The following CUX1 variants were observed in gnomAD, a reference collection of about 807,000 sequenced individuals.
CUX1 encodes the protein cut like homeobox 1, also known as protein CASP.
Under a neutral mutation model 158.8 loss-of-function variants are expected in CUX1, and 31 were observed. The observed-to-expected ratio is 0.20, with a 90% CI of 0.15 to 0.26. The LOEUF (loss-of-function observed/expected upper bound fraction) is 0.26, where lower values mean the gene tolerates loss of function less well. CUX1 is among the 10% of genes least tolerant of loss of function. CUX1 has a pLI of 1.00. For synonymous variants in CUX1, 879 were observed against 862.1 expected, an observed-to-expected ratio of 1.02 and a Z score of -0.34; for missense variants, 1,589 against 2,014.6, an observed-to-expected ratio of 0.79 and a Z score of 4.04.
downstream of CUX1, among the ~76,000 whole-genome samples, chr7:102,261,955 G>C (rs1349313104): frequency 6.6e-6 from 1 of 152,062 alleles, no homozygotes; most frequent in African/African-American, 2.4e-5. Context: ...CCATCTCTAC[G>C]AAAATGTTTA....
intron 8 of CUX1, among the ~76,000 whole-genome samples, chr7:102,128,187 G>A (rs1218980236): frequency 2.6e-5 from 4 of 152,204 alleles, no homozygotes; most frequent in South Asian, 2.1e-4. Context: ...AGACAAGAGC[G>A]TTTGGAAGCC....
exon 23 of CUX1, chr7:102,283,159 C>T (rs527490901): frequency 5.5e-6 from 7 of 1,271,612 alleles, no homozygotes; most frequent in Non-Finnish European, 6.9e-6. Context: ...CATCTAATCA[C>T]TTAGACTCCC....
At chr7:102,278,036 A>T (rs1791735305) in exon 18 of CUX1, 2 of 1,610,188 alleles carry the variant, frequency 1.2e-6, no homozygotes, top group Non-Finnish European at 1.7e-6. Context: ...CTTTGAGAAG[A>T]TCAAGTTCCT....
intron 1 of CUX1, among the ~76,000 whole-genome samples, chr7:101,855,146 C>T (rs1161813783): frequency 6.6e-6 from 1 of 152,262 alleles, no homozygotes; most frequent in African/African-American, 2.4e-5. Flanking sequence ...ATCTTACCTC[C>T]TGCTGAAGTG....
chr7:101,944,610 C>G (rs1285582797), intron 2 of CUX1, among the ~76,000 whole-genome samples: 1 of 152,226 alleles, frequency 6.6e-6, no homozygotes, highest in Non-Finnish European at 1.5e-5. Flanking sequence ...AAATCAAACC[C>G]AGGAGCCGGA....
intron 2 of CUX1, among the ~76,000 whole-genome samples, chr7:101,973,737 A>G (rs998854945): frequency 1.3e-5 from 2 of 149,492 alleles, no homozygotes; most frequent in African/African-American, 4.9e-5. Context: ...TATACTGTCC[A>G]CCTTGCCCCA....
chr7:101,921,352 A>G (rs1356959769), intron 2 of CUX1, among the ~76,000 whole-genome samples: 2 of 152,112 alleles, frequency 1.3e-5, no homozygotes, highest in Admixed American at 1.3e-4. Context: ...ATTAGCATTA[A>G]CCTGGGAATA....
At chr7:102,270,621 C>T (rs1791143264) in intron 14 of CUX1, among the ~76,000 whole-genome samples, 1 of 152,208 alleles carries the variant, frequency 6.6e-6, no homozygotes, top group Non-Finnish European at 1.5e-5. Context: ...GGCCTGTGCT[C>T]CTATCACCCC....
At chr7:102,200,863 C>T (rs1248967415) in intron 17 of CUX1, among the ~76,000 whole-genome samples, 1 of 151,346 alleles carries the variant, frequency 6.6e-6, no homozygotes, top group African/African-American at 2.4e-5. Context: ...GAGACCTTGT[C>T]TCTTAAAACA....
intron 20 of CUX1, among the ~76,000 whole-genome samples, chr7:102,216,542 ACACACCCACACACG>A (rs1797088388): frequency 2.6e-5 from 2 of 76,650 alleles, no homozygotes; most frequent in Non-Finnish European, 5.2e-5. Context: ...CCCCACACAC[ACACACCCACACACG>A]CACACACACT....
At chr7:102,212,877 G>T (rs550613415) in intron 20 of CUX1, among the ~76,000 whole-genome samples, 5 of 152,118 alleles carry the variant, frequency 3.3e-5, no homozygotes, top group East Asian at 1.9e-4. Context: ...AGGGAGTCTC[G>T]CTCTGTCACC....
intron 20 of CUX1, among the ~76,000 whole-genome samples, chr7:102,215,899 G>A (rs1317050814): frequency 2.6e-5 from 4 of 152,200 alleles, no homozygotes; most frequent in Non-Finnish European, 5.9e-5. Flanking sequence ...CGGGGCAGAC[G>A]CAGCATCCTC....
chr7:101,822,000 G>T (rs535242706), intron 1 of CUX1, among the ~76,000 whole-genome samples: 2 of 151,696 alleles, frequency 1.3e-5, no homozygotes, highest in South Asian at 2.1e-4. Context: ...GACTACAGGC[G>T]CCCGCCACCA....
intron 8 of CUX1, among the ~76,000 whole-genome samples, chr7:102,121,894 G>A (rs1049967789): frequency 6.6e-6 from 1 of 152,102 alleles, no homozygotes; most frequent in African/African-American, 2.4e-5. Flanking sequence ...AGCAGCAAAG[G>A]TGAGGGCTAG....
chr7:102,190,074 A>G (rs1156558039), intron 12 of CUX1, among the ~76,000 whole-genome samples: 3 of 152,238 alleles, frequency 2.0e-5, no homozygotes, highest in Middle Eastern at 3.2e-3. Flanking sequence ...CTGTCCCTGA[A>G]TTCTTTGGAC....
chr7:101,914,011 C>T lies in CUX1; in HGVS notation c.31-2104C>T, dbSNP rs141158964. Among the ~76,000 whole-genome samples, 46 of 151,756 alleles carry T rather than the reference C, an allele frequency of 3.0e-4. No individual in the cohort carries two copies. The East Asian group carries it at 8.5e-3, about 28-fold the overall frequency. On this transcript the variant is annotated intron_variant, in intron 1 of 23. Transcript: ENST00000292535. Reference sequence around the variant, plus strand: ...CTTCTGCTTCGCTGTGACTGCTCCTCTCTTATCTGTATCCCCCGTTCCACC... The same window carrying T: ...CTTCTGCTTCGCTGTGACTGCTCCTTTCTTATCTGTATCCCCCGTTCCACC...
At chr7:102,156,055 T>C (rs1789713116) in intron 8 of CUX1, among the ~76,000 whole-genome samples, 1 of 152,186 alleles carries the variant, frequency 6.6e-6, no homozygotes, top group African/African-American at 2.4e-5. Context: ...TTGAACCCGA[T>C]CACAAGGCAT....
At position 102,258,054 on chromosome 7, in the gene CUX1, G is replaced by GC. The variant is rs1244765579; in HGVS notation, c.*9016dup. The GC allele has an allele frequency of 2.0e-6, 2 of 985,142 alleles. No individual in the cohort carries two copies. The highest frequency in any genetic ancestry group is 3.5e-5 in the African/African-American group (2 of 57,160). The allele number at this position is 985,142 out of a possible 1,614,324, so 61.0% of individuals were successfully genotyped here. On this transcript the variant is annotated 3_prime_UTR_variant, in exon 24 of 24. Coordinates refer to ENST00000292535, the MANE Select transcript of CUX1 (RefSeq NM_181552.4). ...GTGGGGGTGGGGGAGGCACCCGTCGGCCCCTTGGTGTTGTCCCTCTGTCTT... is the reference window on the plus strand; with the variant it reads ...GTGGGGGTGGGGGAGGCACCCGTCGGCCCCCTTGGTGTTGTCCCTCTGTCTT...
Position 102,130,210 on chromosome 7 carries a change from G to A in CUX1, c.674+14937G>A, listed in dbSNP as rs1176583131. Among the ~76,000 whole-genome samples the A allele has an allele frequency of 3.3e-5, 5 of 152,038 alleles. No homozygotes were observed. The East Asian group carries it at 7.7e-4, about 23-fold the overall frequency. On this transcript the variant is annotated intron_variant, in intron 8 of 23. Coordinates refer to ENST00000292535, the MANE Select transcript of CUX1 (RefSeq NM_181552.4). ...GCCTGCAATATGAATTTTTAATGCC[G>A]AGCTTTATGGCATCACTCCCGCACA... is the stretch of plus-strand genomic sequence containing the variant.
Sources: gnomAD v4.1 joint callset for allele counts (sites outside exome capture counted in the v4.1 genomes callset) on GRCh38, gnomAD v4.1.1 for gene constraint, MANE v1.5 for transcripts, NCBI Gene and HGNC (gene_info 2026-07-23, HGNC 2026-07-21) for gene names.